COPS8: variants seen among roughly 807,000 people sequenced by gnomAD.
The protein encoded by COPS8 is COP9 signalosome subunit 8, also known as COP9 signalosome complex subunit 8.
Under a neutral mutation model 31.5 loss-of-function variants are expected in COPS8, and 11 were observed. That is an observed-to-expected ratio of 0.35 (90% CI 0.22 to 0.58). COPS8 has a LOEUF of 0.58. Among genes scored for constraint, COPS8 ranks in the 20% least tolerant of loss-of-function variants. The pLI, the probability that COPS8 is intolerant of heterozygous loss-of-function variation, is 0.83. For missense variants in COPS8, 215 were observed against 255.1 expected, an observed-to-expected ratio of 0.84 and a Z score of 1.07; for synonymous variants, 81 against 89.3, an observed-to-expected ratio of 0.91 and a Z score of 0.52.
In COPS8 at chr2:237,095,775, G is replaced by A. The variant is rs570540231; in HGVS notation, c.440-47G>A. 5.1e-5 allele frequency: 65 copies of A among 1,275,464 alleles called. No individual in the cohort carries two copies. The South Asian group carries it at 6.4e-4, about 13-fold the overall frequency. 79.0% of individuals were successfully genotyped at this position (1,275,464 alleles called of 1,614,324 possible). ...TCATGGACAAGTTGTGGATTTTGTG[G>A]GGTGTTTTATTCTTTCCGGATCTTT... is the stretch of plus-strand genomic sequence containing the variant. On this transcript the variant is annotated intron_variant, in intron 5 of 7. Coordinates refer to ENST00000354371, the MANE Select transcript of COPS8 (RefSeq NM_006710.5).
intron 6 of COPS8, 138 bp downstream of exon 6, chr2:237,096,022 C>A: frequency 1.6e-6 from 1 of 619,846 alleles, no homozygotes; most frequent in Non-Finnish European, 2.9e-6. Context: ...TTAAATAAAG[C>A]GTAGTAGACG....
At chr2:237,086,549 T>TA (rs1232725509) in intron 1 of COPS8, among the ~76,000 whole-genome samples, 1 of 152,226 alleles carries the variant, frequency 6.6e-6, no homozygotes, top group East Asian at 1.9e-4. Flanking sequence ...ATGCAGCTGT[T>TA]AAAGTTAATG....
At chr2:237,092,541 C>G (rs552943106) in intron 4 of COPS8, among the ~76,000 whole-genome samples, 4 of 151,412 alleles carry the variant, frequency 2.6e-5, no homozygotes, top group African/African-American at 9.7e-5. Flanking sequence ...TATACTTTTA[C>G]TTCTCTAAAA....
At chr2:237,092,946 CCCTT>C (rs1696732173) in intron 4 of COPS8, among the ~76,000 whole-genome samples, 1 of 152,078 alleles carries the variant, frequency 6.6e-6, no homozygotes, top group African/African-American at 2.4e-5. Flanking sequence ...TAAGAGATAC[CCCTT>C]CCTGTCGAGA....
At chr2:237,089,273 C>T (rs759249960) in intron 3 of COPS8, among the ~76,000 whole-genome samples, 2 of 152,006 alleles carry the variant, frequency 1.3e-5, no homozygotes, top group South Asian at 2.1e-4. Flanking sequence ...ATCAAGAGAT[C>T]GGATTAGTAT....
chr2:237,087,926 CCT>C (rs1440112253), intron 2 of COPS8, among the ~76,000 whole-genome samples: 2 of 149,944 alleles, frequency 1.3e-5, no homozygotes, highest in Non-Finnish European at 3.0e-5. Context: ...AAAGTGAGAC[CCT>C]GTCTCAAAAG....
In COPS8 at chr2:237,089,813, G is replaced by A. The variant is rs1574836441; in HGVS notation, c.199-49G>A. The A allele has an allele frequency of 4.5e-6, 7 of 1,558,826 alleles. No homozygotes were observed. The East Asian group carries it at 1.6e-4, about 35-fold the overall frequency. On this transcript the variant is annotated intron_variant, in intron 3 of 7. Transcript: ENST00000354371. ...TATTTTGTTTTAAGATACAATCATT[G>A]GTGCATTTACAGAGTGAATACCCTC...
chr2:237,088,302 T>A (rs1696654111), intron 2 of COPS8, among the ~76,000 whole-genome samples: 1 of 152,190 alleles, frequency 6.6e-6, no homozygotes, highest in Non-Finnish European at 1.5e-5. Context: ...AATAAATAAT[T>A]TGGGCCGTCT....
chr2:237,097,834 C>T lies in COPS8; in HGVS notation c.*92C>T. 1 of 850,008 alleles carries T rather than the reference C, an allele frequency of 1.2e-6. No individual in the cohort carries two copies. The highest frequency in any genetic ancestry group is 1.6e-5 in the South Asian group (1 of 63,766). The allele number at this position is 850,008 out of a possible 1,614,324, so 52.7% of individuals were successfully genotyped here. A position where few individuals can be genotyped will look rare whatever the true frequency, so the allele number is the denominator to read the frequency against. On this transcript the variant is annotated 3_prime_UTR_variant, in exon 8 of 8. Transcript: ENST00000354371. The stretch of plus-strand genomic sequence containing the variant: ...TTTGTATTTTCAATTTATTGGATGG[C>T]TTAAGCACCTCAGCATTCCTTACTA...
chr2:237,094,287 A>G (rs1264294158), intron 5 of COPS8, 90 bp downstream of exon 5: 2 of 1,257,746 alleles, frequency 1.6e-6, no homozygotes, highest in South Asian at 1.4e-5. Context: ...CACTTGGAAC[A>G]GAATATGCTT....
At position 237,099,555 on chromosome 2, in the gene COPS8, G is replaced by C. The variant is rs1160966119; in HGVS notation, c.*1813G>C. ...AAGTATAGATTAAATTAATAATCAT[G>C]TAACATTAGACCCCAGTAATCTTAA... On this transcript the variant is annotated 3_prime_UTR_variant, in exon 8 of 8. Coordinates refer to ENST00000354371, the MANE Select transcript of COPS8 (RefSeq NM_006710.5). 6.6e-6 allele frequency: 1 copy of C among 152,044 alleles called. No individual in the cohort carries two copies. The highest frequency in any genetic ancestry group is 1.5e-5 in the Non-Finnish European group (1 of 67,994). 9.4% of individuals were successfully genotyped at this position (152,044 alleles called of 1,614,324 possible).
Position 237,095,859 on chromosome 2 carries a change from A to G in COPS8, c.477A>G (p.Thr159=). Residue 159 remains threonine, a synonymous_variant, in exon 6 of 8, where the codon ACA becomes ACG. Coordinates refer to ENST00000354371, the MANE Select transcript of COPS8 (RefSeq NM_006710.5). The stretch of plus-strand genomic sequence containing the variant: ...AAGGATGGCAAGCTGATTCCACCAC[A>G]AGAATGGTTCTGCCCAGAAAGCCAG... The part of the protein sequence containing the change: ...LEQGWQADST[T]RMVLPRKPVA... The G allele has an allele frequency of 6.2e-7, 1 of 1,613,504 alleles. No individual in the cohort carries two copies. The highest frequency in any genetic ancestry group is 8.5e-7 in the Non-Finnish European group (1 of 1,179,436).
At chr2:237,089,762 C>T (rs1377817867) in intron 3 of COPS8, 100 bp from the exon 4 acceptor site, 13 of 1,170,902 alleles carry the variant, frequency 1.1e-5, no homozygotes, top group Middle Eastern at 3.0e-4. Flanking sequence ...AATGATGTAG[C>T]TAACAAGTTT....
chr2:237,095,908 A>G (rs943660511), intron 6 of COPS8, 24 bp downstream of exon 6: 2 of 1,549,942 alleles, frequency 1.3e-6, no homozygotes, highest in Non-Finnish European at 1.8e-6. Context: ...TCACCCATTT[A>G]CGCAGCACTG....
Position 237,094,075 on chromosome 2 carries a change from C to T in COPS8, c.332-15C>T. On this transcript the variant is annotated splice_polypyrimidine_tract_variant and intron_variant, in intron 4 of 7. Transcript: ENST00000354371. ...CCCTGGTTCACTCTCTGCCAACCCA[C>T]CACTCCCACAATAGATGCAACAAGG... 1 of 1,611,282 alleles carries T rather than the reference C, an allele frequency of 6.2e-7. No individual in the cohort carries two copies. The highest frequency in any genetic ancestry group is 8.5e-7 in the Non-Finnish European group (1 of 1,178,362).
rs1377878189 is a variant in COPS8, at chr2:237,099,645, C to G, written c.*1903C>G. 2 of 152,014 alleles carry G rather than the reference C, an allele frequency of 1.3e-5. No individual in the cohort carries two copies. Among genetic ancestry groups the G allele is most frequent in the Non-Finnish European group, 2.9e-5 (2 of 68,028 alleles). 9.4% of individuals were successfully genotyped at this position (152,014 alleles called of 1,614,324 possible). On this transcript the variant is annotated 3_prime_UTR_variant, in exon 8 of 8. Transcript: ENST00000354371. ...TGTAAACAGTAAATATTTCCCACTCCTGTCTACATGAAAAGGTCTAGAGTA... is the reference window on the plus strand; with the variant it reads ...TGTAAACAGTAAATATTTCCCACTCGTGTCTACATGAAAAGGTCTAGAGTA...
chr2:237,094,286 C>A lies in COPS8; in HGVS notation c.439+89C>A. On this transcript the variant is annotated intron_variant, in intron 5 of 7. Transcript: ENST00000354371. ...ACAGTCTCCTCTGAAACACTTGGAA[C>A]AGAATATGCTTTTGGAGTCCAGGCT... 8 of 1,264,534 alleles carry A rather than the reference C, an allele frequency of 6.3e-6. No homozygotes were observed. In the South Asian group the frequency reaches 8.2e-5, roughly 13 times the overall value. 78.3% of individuals were successfully genotyped at this position (1,264,534 alleles called of 1,614,324 possible). A position where few individuals can be genotyped will look rare whatever the true frequency, so the allele number is the denominator to read the frequency against.
chr2:237,092,564 CTTTCCATTGTTGGCTCT>C (rs1696725613), intron 4 of COPS8, among the ~76,000 whole-genome samples: 1 of 151,954 alleles, frequency 6.6e-6, no homozygotes, highest in African/African-American at 2.4e-5. Context: ...AAAAAGTATA[CTTTCCATTGTTGGCTCT>C]TTTCCATTGT....
chr2:237,089,186 C>T (rs1696666743), intron 3 of COPS8, among the ~76,000 whole-genome samples: 1 of 152,138 alleles, frequency 6.6e-6, no homozygotes, highest in African/African-American at 2.4e-5. Flanking sequence ...ATGTGTCTAA[C>T]ATGAGTGTCA....
Sources: gnomAD v4.1 joint callset for allele counts (sites outside exome capture counted in the v4.1 genomes callset) on GRCh38, gnomAD v4.1.1 for gene constraint, MANE v1.5 for transcripts, NCBI Gene and HGNC (gene_info 2026-07-23, HGNC 2026-07-21) for gene names.